The following SPRED2 variants were observed in gnomAD, a reference collection of about 807,000 sequenced individuals.
The protein encoded by SPRED2 is sprouty-related, EVH1 domain-containing protein 2.
In SPRED2, 47 loss-of-function variants were observed where a neutral mutation model predicts 43.0. The observed-to-expected ratio is 1.09, with a 90% CI of 0.87 to 1.40. The LOEUF is 1.40. Ranked by LOEUF, SPRED2 falls within the 40% of genes most tolerant of loss-of-function variation. The pLI, the probability that SPRED2 is intolerant of heterozygous loss-of-function variation, is 0.00. For synonymous variants in SPRED2, 225 were observed against 225.7 expected (o/e 1.00, Z 0.03); for missense variants, 561 against 586.4 (o/e 0.96, Z 0.45).
At chr2:65,408,787 G>A (rs1676086656) in intron 1 of SPRED2, among the ~76,000 whole-genome samples, 1 of 152,092 alleles carries the variant, frequency 6.6e-6, no homozygotes, top group Non-Finnish European at 1.5e-5. Flanking sequence ...CACTATACTG[G>A]CCAGGCTGGT....
intron 4 of SPRED2, among the ~76,000 whole-genome samples, chr2:65,317,160 C>T (rs376138673): frequency 6.6e-5 from 10 of 152,140 alleles, no homozygotes; most frequent in South Asian, 6.2e-4. Context: ...TGACTGGGTG[C>T]GGGGGGAAAG....
intron 1 of SPRED2, among the ~76,000 whole-genome samples, chr2:65,426,325 T>C (rs991081003): frequency 6.6e-6 from 1 of 152,160 alleles, no homozygotes; most frequent in African/African-American, 2.4e-5. Flanking sequence ...GTTAACCAAA[T>C]ACAACAATTG....
chr2:65,386,267 A>G (rs1488790385), intron 1 of SPRED2, among the ~76,000 whole-genome samples: 1 of 138,436 alleles, frequency 7.2e-6, no homozygotes, highest in African/African-American at 2.6e-5. Flanking sequence ...CCTGGGCGAC[A>G]AGAGTGAGAC....
At chr2:65,407,534 G>A (rs185806508) in intron 1 of SPRED2, among the ~76,000 whole-genome samples, 216 of 152,138 alleles carry the variant, frequency 1.4e-3, no homozygotes, top group Middle Eastern at 0.01. Context: ...TCTGCAGGGG[G>A]TGGGAAGTGC....
At chr2:65,418,869 A>ATT (rs111548471) in intron 1 of SPRED2, among the ~76,000 whole-genome samples, 44 of 151,234 alleles carry the variant, frequency 2.9e-4, no homozygotes, top group African/African-American at 5.6e-4. Flanking sequence ...ATTTCTTATC[A>ATT]TTTTTTTTTA....
intron 1 of SPRED2, chr2:65,377,526 C>G (rs1558676147): frequency 2.1e-6 from 1 of 467,006 alleles, no homozygotes; most frequent in Non-Finnish European, 4.5e-6. Flanking sequence ...GAAATTCTAA[C>G]AGTGTTCGGT....
At position 65,311,740 on chromosome 2, in the gene SPRED2, T is replaced by C; in HGVS notation, c.*1761A>G. ...TACTCCAATGAATGAAGACGTCTAC[T>C]AACTGACTCATAAGCACACTGGGTA... On this transcript the variant is annotated 3_prime_UTR_variant, in exon 6 of 6. Coordinates refer to ENST00000356388, the MANE Select transcript of SPRED2 (RefSeq NM_181784.3). 1 of 985,456 alleles carries C rather than the reference T, an allele frequency of 1.0e-6. No individual in the cohort carries two copies. The highest frequency in any genetic ancestry group is 1.2e-6 in the Non-Finnish European group (1 of 829,940). The allele number at this position is 985,456 out of a possible 1,614,324, so 61.0% of individuals were successfully genotyped here.
chr2:65,321,031 A>G (rs1327854131), intron 4 of SPRED2, among the ~76,000 whole-genome samples: 1 of 151,232 alleles, frequency 6.6e-6, no homozygotes, highest in Non-Finnish European at 1.5e-5. Context: ...GTTGGCAATC[A>G]CATGCTCCCA....
chr2:65,373,786 G>C (rs549628478), intron 1 of SPRED2: 2 of 152,294 alleles, frequency 1.3e-5, no homozygotes, highest in African/African-American at 4.8e-5. Context: ...ACCCACGGTA[G>C]ACTGGGTTTC....
At chr2:65,358,876 C>T (rs1335660772) in intron 1 of SPRED2, among the ~76,000 whole-genome samples, 1 of 152,218 alleles carries the variant, frequency 6.6e-6, no homozygotes, top group Non-Finnish European at 1.5e-5. Context: ...CAGTTCCTCT[C>T]AGCTCTTGCT....
At chr2:65,391,975 G>A (rs915698343) in intron 1 of SPRED2, among the ~76,000 whole-genome samples, 2 of 151,684 alleles carry the variant, frequency 1.3e-5, no homozygotes, top group Admixed American at 1.3e-4. Context: ...TTAGCCTGGT[G>A]TTTTTTTAAA....
intron 1 of SPRED2, chr2:65,366,845 C>T: frequency 8.4e-7 from 1 of 1,191,552 alleles, no homozygotes. Context: ...CAACATCCTG[C>T]TTCTCAAAAG....
chr2:65,337,417 A>G (rs971432318), intron 2 of SPRED2, among the ~76,000 whole-genome samples: 2 of 152,174 alleles, frequency 1.3e-5, no homozygotes, highest in Admixed American at 1.3e-4. Flanking sequence ...TTGAAAAAAA[A>G]AACTACACAA....
downstream of SPRED2, among the ~76,000 whole-genome samples, chr2:65,310,339 C>T (rs1673035002): frequency 6.6e-6 from 1 of 152,048 alleles, no homozygotes; most frequent in Non-Finnish European, 1.5e-5. Context: ...GTCACTGTAG[C>T]TCTGGAGCAT....
At chr2:65,344,136 C>CA (rs147613284) in intron 2 of SPRED2, 3,674 of 69,844 alleles carry the variant, frequency 0.053, 42 homozygotes, top group African/African-American at 0.067. Context: ...GACTCCGTCT[C>CA]AAAAAAAAAA....
chr2:65,429,814 A>G (rs1449149910), intron 1 of SPRED2, among the ~76,000 whole-genome samples: 1 of 152,194 alleles, frequency 6.6e-6, no homozygotes, highest in African/African-American at 2.4e-5. Context: ...CTCCTCAAAT[A>G]TCTATCCTCT....
chr2:65,343,670 G>A (rs1002092579), intron 2 of SPRED2, among the ~76,000 whole-genome samples: 2 of 151,862 alleles, frequency 1.3e-5, no homozygotes, highest in Non-Finnish European at 2.9e-5. Flanking sequence ...CCATGTTTAG[G>A]GCCATGAATT....
downstream of SPRED2, among the ~76,000 whole-genome samples, chr2:65,308,164 C>T (rs1361591436): frequency 1.3e-5 from 2 of 152,202 alleles, no homozygotes; most frequent in Admixed American, 6.5e-5. Flanking sequence ...AGGGCAGAGG[C>T]GTGACTTGCA....
downstream of SPRED2, chr2:65,308,492 T>C: frequency 1.0e-6 from 1 of 985,426 alleles, no homozygotes; most frequent in Non-Finnish European, 1.2e-6. Flanking sequence ...ATCTAAATAC[T>C]CACAAAATAT....
Sources: gnomAD v4.1 joint callset for allele counts (sites outside exome capture counted in the v4.1 genomes callset) on GRCh38, gnomAD v4.1.1 for gene constraint, MANE v1.5 for transcripts, NCBI Gene and HGNC (gene_info 2026-07-23, HGNC 2026-07-21) for gene names.